DECR1: variants seen among roughly 807,000 people sequenced by gnomAD.
DECR1 encodes 2,4-dienoyl-CoA reductase 1.
In DECR1, 44 loss-of-function variants were observed where a neutral mutation model predicts 38.8. The ratio of observed to expected loss-of-function variants is 1.13; its 90% confidence interval spans 0.89 to 1.46. The LOEUF is 1.46. Among genes scored for constraint, DECR1 ranks in the 40% most tolerant of loss-of-function variants. The probability of loss-of-function intolerance (pLI) is 0.00; values close to 1 mark genes in which losing one functional copy is unlikely to be tolerated. For missense variants in DECR1, 428 were observed against 405.5 expected (o/e 1.06, Z -0.48); for synonymous variants, 148 against 135.2 (o/e 1.09, Z -0.66).
intron 5 of DECR1, among the ~76,000 whole-genome samples, chr8:90,028,295 A>T (rs1035864402): frequency 6.6e-6 from 1 of 152,176 alleles, no homozygotes; most frequent in African/African-American, 2.4e-5. Context: ...TAAGTTACTT[A>T]ACATTCAAGT....
chr8:90,034,312 T>C (rs1006452871), intron 5 of DECR1, among the ~76,000 whole-genome samples: 1 of 152,192 alleles, frequency 6.6e-6, no homozygotes, highest in African/African-American at 2.4e-5. Context: ...GTAAACTTAT[T>C]TTGATCCTTT....
intron 1 of DECR1, among the ~76,000 whole-genome samples, chr8:90,011,789 ATGAG>A (rs1195564745): frequency 6.6e-6 from 1 of 152,142 alleles, no homozygotes; most frequent in Non-Finnish European, 1.5e-5. Context: ...TCCCAAATGA[ATGAG>A]TATTTCTTTT....
chr8:90,006,614 G>A (rs145383646), intron 1 of DECR1, among the ~76,000 whole-genome samples: 3 of 152,310 alleles, frequency 2.0e-5, no homozygotes, highest in East Asian at 3.9e-4. Context: ...GACACTCAAA[G>A]TTGAGTGATA....
At chr8:90,042,933 C>G in intron 7 of DECR1, 133 bp downstream of exon 7, 1 of 719,004 alleles carries the variant, frequency 1.4e-6, no homozygotes, top group Non-Finnish European at 2.4e-6. Context: ...GGGAAGAGGC[C>G]TTTGCCTTTA....
chr8:90,049,813 C>CT (rs554568255), intron 8 of DECR1, among the ~76,000 whole-genome samples: 3,568 of 152,084 alleles, frequency 0.023, 133 homozygotes, highest in African/African-American at 0.081. Context: ...CAGCATGGTA[C>CT]GGTACCAAAA....
chr8:90,028,315 G>A (rs927962489), intron 5 of DECR1, among the ~76,000 whole-genome samples: 2 of 151,744 alleles, frequency 1.3e-5, no homozygotes, highest in Admixed American at 1.3e-4. Flanking sequence ...TTAAAATGTT[G>A]GCCTCATGTC....
At chr8:90,025,442 C>T (rs959605131) in intron 5 of DECR1, among the ~76,000 whole-genome samples, 8 of 152,178 alleles carry the variant, frequency 5.3e-5, no homozygotes, top group African/African-American at 1.9e-4. Flanking sequence ...CTTCACATCC[C>T]TTGTAAGTTG....
intron 5 of DECR1, among the ~76,000 whole-genome samples, chr8:90,033,886 G>GT (rs561988928): frequency 3.3e-5 from 5 of 151,978 alleles, no homozygotes; most frequent in East Asian, 3.9e-4. Flanking sequence ...TTTTAAAGCA[G>GT]TTTTTTTTCT....
chr8:90,006,242 G>C, intron 1 of DECR1: 1 of 704,146 alleles, frequency 1.4e-6, no homozygotes, highest in East Asian at 2.7e-5. Context: ...GGAGATGTCA[G>C]GACTGGGGAA....
rs1813144122 is a variant in DECR1 at position 90,021,003 on chromosome 8, G to A, written c.512G>A (p.Gly171Asp). 1.3e-6 allele frequency: 2 copies of A among 1,595,554 alleles called. No homozygotes were observed. Among genetic ancestry groups the A allele is most frequent in the Admixed American group, 1.8e-5 (1 of 55,632 alleles). The change falls in exon 5 of 10, where the codon GGC (glycine) becomes GAC (aspartate). Residue 171 changes from glycine to aspartate, a missense_variant. Coordinates refer to ENST00000220764, the MANE Select transcript of DECR1 (RefSeq NM_001359.2). ...WKTITDIVLN[G>D]TAFVTLEIGK... ...ACCATAACTGACATAGTTCTAAATG[G>A]CACAGCCTTCGTGACACTAGAAATT...
chr8:90,039,199 C>A lies in DECR1; in HGVS notation c.665+2259C>A, dbSNP rs184719624. On this transcript the variant is annotated intron_variant, in intron 6 of 9. Coordinates refer to ENST00000220764, the MANE Select transcript of DECR1 (RefSeq NM_001359.2). The stretch of plus-strand genomic sequence containing the variant: ...GGCCCTTGTCCTTTACTCATACTGA[C>A]CCATATGCCTTGGCTGTCTTCCTTC... Among the ~76,000 whole-genome samples the A allele has an allele frequency of 4.6e-5, 7 of 152,288 alleles. No homozygotes were observed. The East Asian group carries it at 1.4e-3, about 29-fold the overall frequency.
In DECR1 at chr8:90,040,477, G is replaced by A. The variant is rs570964894; in HGVS notation, c.666-2251G>A. On this transcript the variant is annotated intron_variant, in intron 6 of 9. Transcript: ENST00000220764. ...GTCTGATAGTTTCATAGAACTTAGC[G>A]CATTTTTAAAATTATACTTTAAGTT... 3.4e-4 allele frequency among the ~76,000 whole-genome samples: 52 copies of A among 152,026 alleles called. No homozygotes were observed. In the South Asian group the frequency reaches 3.7e-3, roughly 11 times the overall value.
At chr8:90,049,626 C>T (rs931694727) in intron 8 of DECR1, among the ~76,000 whole-genome samples, 2 of 152,146 alleles carry the variant, frequency 1.3e-5, no homozygotes, top group Non-Finnish European at 2.9e-5. Context: ...GATTCAGTGC[C>T]ATCCCCATCA....
chr8:90,006,144 A>C (rs1812734168), intron 1 of DECR1: 1 of 696,882 alleles, frequency 1.4e-6, no homozygotes, highest in African/African-American at 1.8e-5. Flanking sequence ...ATGAGTTTTC[A>C]AGGGACAAAC....
chr8:90,045,702 A>G (rs1813881335), intron 8 of DECR1, among the ~76,000 whole-genome samples: 1 of 152,156 alleles, frequency 6.6e-6, no homozygotes, highest in Non-Finnish European at 1.5e-5. Context: ...CCCAGCATGG[A>G]GTTGGAGATC....
intron 6 of DECR1, among the ~76,000 whole-genome samples, chr8:90,037,890 G>A (rs1162919910): frequency 6.6e-6 from 1 of 151,848 alleles, no homozygotes; most frequent in Non-Finnish European, 1.5e-5. Flanking sequence ...CCTGTATTTT[G>A]TATTCACATT....
intron 8 of DECR1, among the ~76,000 whole-genome samples, chr8:90,046,123 G>A (rs535771372): frequency 7.2e-5 from 11 of 152,348 alleles, no homozygotes; most frequent in Middle Eastern, 3.4e-3. Flanking sequence ...AATTCAGAGC[G>A]CCTCTTCTCT....
At chr8:90,034,221 T>G (rs1813563593) in intron 5 of DECR1, among the ~76,000 whole-genome samples, 1 of 152,154 alleles carries the variant, frequency 6.6e-6, no homozygotes. Flanking sequence ...AGAAAAAACT[T>G]ATCTGAATAT....
intron 1 of DECR1, among the ~76,000 whole-genome samples, chr8:90,013,977 G>A (rs561449858): frequency 6.6e-6 from 1 of 152,178 alleles, no homozygotes; most frequent in East Asian, 1.9e-4. Context: ...TGTAGGAGAG[G>A]GATGAGTATG....
Sources: gnomAD v4.1 joint callset for allele counts (sites outside exome capture counted in the v4.1 genomes callset) on GRCh38, gnomAD v4.1.1 for gene constraint, MANE v1.5 for transcripts, NCBI Gene and HGNC (gene_info 2026-07-23, HGNC 2026-07-21) for gene names.